ZBTB16: variants seen among roughly 807,000 people sequenced by gnomAD.
ZBTB16 encodes zinc finger and BTB domain-containing protein 16.
In ZBTB16, 8 loss-of-function variants were observed where a neutral mutation model predicts 56.8. That is an observed-to-expected ratio of 0.14 (90% confidence interval 0.08 to 0.25). The LOEUF is 0.25. Ranked by LOEUF, ZBTB16 falls within the 10% of genes least tolerant of loss-of-function variation. The pLI is 1.00. For synonymous variants in ZBTB16, 363 were observed against 368.5 expected (o/e 0.98, Z 0.17); for missense variants, 625 against 903.0 (o/e 0.69, Z 3.95).
intron 2 of ZBTB16, among the ~76,000 whole-genome samples, chr11:114,121,621 A>C (rs1941350025): frequency 6.6e-6 from 1 of 152,104 alleles, no homozygotes; most frequent in Non-Finnish European, 1.5e-5. Context: ...TATTATCTCC[A>C]TTTTGCAGGT....
chr11:114,157,894 G>A (rs993735386), intron 3 of ZBTB16, among the ~76,000 whole-genome samples: 2 of 151,908 alleles, frequency 1.3e-5, no homozygotes, highest in African/African-American at 4.8e-5. Context: ...TCCCCACCCT[G>A]CCCCTGGCTC....
intron 2 of ZBTB16, among the ~76,000 whole-genome samples, chr11:114,094,514 C>A (rs1157012315): frequency 1.3e-5 from 2 of 152,126 alleles, no homozygotes; most frequent in East Asian, 1.9e-4. Flanking sequence ...GGGTGGCATC[C>A]AGCTTCTAGG....
At chr11:114,183,555 C>T (rs920453822) in intron 3 of ZBTB16, among the ~76,000 whole-genome samples, 20 of 152,186 alleles carry the variant, frequency 1.3e-4, no homozygotes, top group African/African-American at 4.6e-4. Flanking sequence ...GGCTTCTCGC[C>T]GATTGGAGTG....
intron 3 of ZBTB16, among the ~76,000 whole-genome samples, chr11:114,162,024 G>A (rs1942603161): frequency 6.6e-6 from 1 of 152,214 alleles, no homozygotes; most frequent in African/African-American, 2.4e-5. Context: ...GGCCCTGGCT[G>A]TTGAGAAGCA....
At chr11:114,083,788 GCCGCCCCC>G (rs1032953316) in intron 2 of ZBTB16, among the ~76,000 whole-genome samples, 4 of 151,736 alleles carry the variant, frequency 2.6e-5, no homozygotes, top group Non-Finnish European at 2.9e-5. Flanking sequence ...TATTCTTGAT[GCCGCCCCC>G]CCGCCCCACC....
chr11:114,071,372 A>G (rs1001411130), intron 2 of ZBTB16, among the ~76,000 whole-genome samples: 3 of 151,294 alleles, frequency 2.0e-5, no homozygotes, highest in African/African-American at 7.3e-5. Flanking sequence ...AAAGTTGCCC[A>G]CTCTTTCATC....
intron 4 of ZBTB16, among the ~76,000 whole-genome samples, chr11:114,194,248 G>A (rs1591769544): frequency 6.6e-6 from 1 of 152,236 alleles, no homozygotes; most frequent in South Asian, 2.1e-4. Context: ...CATAGGGCAG[G>A]TGGTTATGGT....
At chr11:114,099,824 G>A (rs779471910) in intron 2 of ZBTB16, among the ~76,000 whole-genome samples, 3 of 152,182 alleles carry the variant, frequency 2.0e-5, no homozygotes, top group East Asian at 3.8e-4. Flanking sequence ...AACACATTGC[G>A]CTACAGTCAT....
intron 4 of ZBTB16, among the ~76,000 whole-genome samples, chr11:114,193,692 A>C (rs1336171401): frequency 6.6e-6 from 1 of 152,144 alleles, no homozygotes; most frequent in Non-Finnish European, 1.5e-5. Context: ...AAATGTCACT[A>C]AAGCTATTGG....
intron 3 of ZBTB16, among the ~76,000 whole-genome samples, chr11:114,157,545 GT>G (rs931025768): frequency 6.6e-6 from 1 of 152,142 alleles, no homozygotes; most frequent in Non-Finnish European, 1.5e-5. Context: ...CGGGGGGCGT[GT>G]CCCCATCCGC....
At chr11:114,106,013 C>T (rs375752086) in intron 2 of ZBTB16, among the ~76,000 whole-genome samples, 16 of 152,312 alleles carry the variant, frequency 1.1e-4, no homozygotes, top group African/African-American at 3.4e-4. Context: ...TTACACATGA[C>T]GGCTTTTAAA....
At chr11:114,117,045 A>G (rs1193400476) in intron 2 of ZBTB16, among the ~76,000 whole-genome samples, 3 of 152,218 alleles carry the variant, frequency 2.0e-5, no homozygotes, top group Non-Finnish European at 4.4e-5. Context: ...GGCTTTGCTG[A>G]GAAGGTGACT....
chr11:114,191,787 C>T (rs1413704062), intron 4 of ZBTB16, among the ~76,000 whole-genome samples: 1 of 152,136 alleles, frequency 6.6e-6, no homozygotes, highest in African/African-American at 2.4e-5. Flanking sequence ...CGCACATATA[C>T]ACACACACGC....
intron 2 of ZBTB16, among the ~76,000 whole-genome samples, chr11:114,116,701 G>A (rs1451522151): frequency 1.3e-5 from 2 of 152,190 alleles, no homozygotes; most frequent in Non-Finnish European, 2.9e-5. Context: ...GTTAGAACTA[G>A]TACACACATG....
intron 2 of ZBTB16, among the ~76,000 whole-genome samples, chr11:114,108,900 G>A (rs1940901110): frequency 6.6e-6 from 1 of 152,234 alleles, no homozygotes; most frequent in South Asian, 2.1e-4. Flanking sequence ...ATTGGGACAG[G>A]CTGGCCTCAG....
intron 4 of ZBTB16, among the ~76,000 whole-genome samples, chr11:114,224,930 A>G (rs923042419): frequency 1.3e-5 from 2 of 152,194 alleles, no homozygotes; most frequent in African/African-American, 4.8e-5. Context: ...GTGGAATGAT[A>G]GAAGCAGGAG....
At position 114,235,629 on chromosome 11, in the gene ZBTB16, C is replaced by CCTTCCTTT. The variant is rs767837990; in HGVS notation, c.1454-6535_1454-6534insCCTTTCTT. On this transcript the variant is annotated intron_variant, in intron 4 of 6. Transcript: ENST00000335953. The stretch of plus-strand genomic sequence containing the variant: ...CTCTTTCTTTCTTTCCCTCTCCCTT[C>CCTTCCTTT]CTTTCTTTCTTTCTTTCTTTCTTTC... Among the ~76,000 whole-genome samples the CCTTCCTTT allele has an allele frequency of 7.7e-3, 755 of 97,722 alleles. 3 individuals are homozygous for CCTTCCTTT. The highest frequency in any genetic ancestry group is 0.021 in the African/African-American group (497 of 24,060). 64.1% of individuals were successfully genotyped at this position (97,722 alleles called of 152,430 possible). A position where few individuals can be genotyped will look rare whatever the true frequency, so the allele number is the denominator to read the frequency against.
In ZBTB16 at chr11:114,192,162, A is replaced by G. The variant is rs189880462; in HGVS notation, c.1453+5124A>G. Among the ~76,000 whole-genome samples the G allele has an allele frequency of 8.5e-5, 13 of 152,252 alleles. No individual in the cohort carries two copies. In the East Asian group the frequency reaches 1.4e-3, roughly 16 times the overall value. On this transcript the variant is annotated intron_variant, in intron 4 of 6. Coordinates refer to ENST00000335953, the MANE Select transcript of ZBTB16 (RefSeq NM_006006.6). ...ATGTCCAAGATGGCTCCTTCACTCA[A>G]TTATCTGAGTCTCAGTGTTCCTTTG...
At chr11:114,194,430 G>A (rs747193491) in intron 4 of ZBTB16, among the ~76,000 whole-genome samples, 5 of 152,154 alleles carry the variant, frequency 3.3e-5, no homozygotes, top group Non-Finnish European at 7.3e-5. Context: ...AGATCTTGAC[G>A]GGCTCAAGCT....
Sources: gnomAD v4.1 joint callset for allele counts (sites outside exome capture counted in the v4.1 genomes callset) on GRCh38, gnomAD v4.1.1 for gene constraint, MANE v1.5 for transcripts, NCBI Gene and HGNC (gene_info 2026-07-23, HGNC 2026-07-21) for gene names.